The following PALM2AKAP2 variants were observed in gnomAD, a reference collection of about 807,000 sequenced individuals.
PALM2AKAP2 encodes the protein PALM2 and AKAP2 fusion.
Under a neutral mutation model 71.5 loss-of-function variants are expected in PALM2AKAP2, and 37 were observed. The observed-to-expected ratio is 0.52, with a 90% CI of 0.40 to 0.68. PALM2AKAP2 has a LOEUF of 0.68. PALM2AKAP2 is among the 30% of genes least tolerant of loss of function. The probability of loss-of-function intolerance (pLI) is 0.00; values close to 1 mark genes in which losing one functional copy is unlikely to be tolerated. For synonymous variants in PALM2AKAP2, 468 were observed against 478.8 expected (o/e 0.98, Z 0.29); for missense variants, 1,224 against 1,191.8 (o/e 1.03, Z -0.40).
chr9:110,026,950 C>T (rs955510959), intron 7 of PALM2AKAP2, among the ~76,000 whole-genome samples: 6 of 151,942 alleles, frequency 3.9e-5, no homozygotes, highest in South Asian at 2.1e-4. Context: ...GGCTGAGGCA[C>T]GAGAATCGCT....
chr9:109,688,444 G>T (rs1355183136), intron 1 of PALM2AKAP2, among the ~76,000 whole-genome samples: 1 of 152,216 alleles, frequency 6.6e-6, no homozygotes, highest in Non-Finnish European at 1.5e-5. Context: ...TATCTTGAGT[G>T]TCTTAGGAGG....
chr9:109,806,109 G>A (rs1170025517), intron 1 of PALM2AKAP2, among the ~76,000 whole-genome samples: 1 of 152,182 alleles, frequency 6.6e-6, no homozygotes, highest in Non-Finnish European at 1.5e-5. Flanking sequence ...CTGATGCCAT[G>A]GATTTCTTCT....
intron 1 of PALM2AKAP2, chr9:109,866,905 A>C (rs1017854793): frequency 7.6e-6 from 3 of 394,444 alleles, no homozygotes; most frequent in Non-Finnish European, 1.5e-5. Flanking sequence ...ACCCACATGA[A>C]ATGCTACCCC....
intron 1 of PALM2AKAP2, among the ~76,000 whole-genome samples, chr9:110,091,887 T>C (rs1288512745): frequency 7.9e-5 from 12 of 152,216 alleles, no homozygotes; most frequent in Admixed American, 7.9e-4. Context: ...AACAGTTCCA[T>C]GATCCCCTAA....
At chr9:110,006,324 C>CCCTTTCTTTCTT (rs1554736917) in intron 6 of PALM2AKAP2, among the ~76,000 whole-genome samples, 1 of 102,102 alleles carries the variant, frequency 9.8e-6, no homozygotes, top group Non-Finnish European at 1.9e-5. Flanking sequence ...TTCCTTCCTT[C>CCCTTTCTTTCTT]TCTTTCTTTC....
At chr9:110,075,001 T>C (rs1336023925) in intron 1 of PALM2AKAP2, among the ~76,000 whole-genome samples, 1 of 150,322 alleles carries the variant, frequency 6.7e-6, no homozygotes, top group East Asian at 1.9e-4. Flanking sequence ...AGACTCCATC[T>C]CAAGAAAAAA....
chr9:109,919,462 A>G (rs561276539), intron 3 of PALM2AKAP2, among the ~76,000 whole-genome samples: 79 of 152,300 alleles, frequency 5.2e-4, no homozygotes, highest in Non-Finnish European at 9.6e-4. Flanking sequence ...TTACTCAGAG[A>G]CAACTATCAC....
At chr9:110,169,366 G>A (rs1047469) in exon 4 of PALM2AKAP2, 87,595 of 152,048 alleles carry the variant, frequency 0.58, 26,501 homozygotes, top group East Asian at 0.86. Flanking sequence ...ATCTGTACGC[G>A]TTGAACAACT....
chr9:109,871,648 G>A (rs1253112929), intron 2 of PALM2AKAP2, among the ~76,000 whole-genome samples: 1 of 152,110 alleles, frequency 6.6e-6, no homozygotes, highest in East Asian at 1.9e-4. Context: ...ATTAAGATAT[G>A]TAACCATCAT....
intron 1 of PALM2AKAP2, among the ~76,000 whole-genome samples, chr9:109,771,160 G>A (rs115178340): frequency 9.8e-4 from 149 of 152,312 alleles, no homozygotes; most frequent in African/African-American, 3.5e-3. Context: ...AGAATTAACT[G>A]AAAGAGTGGC....
chr9:110,013,698 A>G (rs927255285), intron 6 of PALM2AKAP2, among the ~76,000 whole-genome samples: 11 of 152,366 alleles, frequency 7.2e-5, no homozygotes, highest in African/African-American at 2.2e-4. Flanking sequence ...CATTGTGCAT[A>G]TATCCTATGA....
intron 1 of PALM2AKAP2, among the ~76,000 whole-genome samples, chr9:109,662,520 CT>C (rs1827414929): frequency 6.6e-6 from 1 of 152,180 alleles, no homozygotes. Context: ...ATGAAGCCAA[CT>C]TGATCATGGT....
At chr9:109,748,781 T>C (rs1368601223) in intron 1 of PALM2AKAP2, among the ~76,000 whole-genome samples, 4 of 152,170 alleles carry the variant, frequency 2.6e-5, no homozygotes, top group Non-Finnish European at 4.4e-5. Context: ...TTCTGGAGTC[T>C]GGAAGGCCAA....
At chr9:109,819,294 A>G (rs1827928505) in intron 1 of PALM2AKAP2, among the ~76,000 whole-genome samples, 1 of 152,232 alleles carries the variant, frequency 6.6e-6, no homozygotes, top group African/African-American at 2.4e-5. Flanking sequence ...ATCTTAAAGG[A>G]AATTTCACAA....
In PALM2AKAP2 at chr9:109,900,516, G is replaced by A. The variant is rs183644201; in HGVS notation, c.257+19835G>A. Reference sequence around the variant, plus strand: ...AGAAATTCAAGAAAGTAGTGACCATGGAGGACCTTAGGATTTGGGCTTTTA... The same window carrying A: ...AGAAATTCAAGAAAGTAGTGACCATAGAGGACCTTAGGATTTGGGCTTTTA... On this transcript the variant is annotated intron_variant, in intron 3 of 9. Transcript: ENST00000302798. Among the ~76,000 whole-genome samples the A allele has an allele frequency of 5.5e-4, 84 of 152,304 alleles. 1 individual carries two copies. Among genetic ancestry groups the A allele is most frequent in the African/African-American group, 1.9e-3 (78 of 41,570 alleles).
At chr9:110,010,082 G>C (rs1832852810) in intron 6 of PALM2AKAP2, among the ~76,000 whole-genome samples, 1 of 152,168 alleles carries the variant, frequency 6.6e-6, no homozygotes, top group Admixed American at 6.5e-5. Context: ...AAAATGTTAT[G>C]GTGGTTGATT....
chr9:109,756,821 T>C (rs959814665), intron 1 of PALM2AKAP2, among the ~76,000 whole-genome samples: 10 of 152,298 alleles, frequency 6.6e-5, no homozygotes, highest in African/African-American at 2.2e-4. Flanking sequence ...TAGCTTTTAG[T>C]AATTCTGACC....
intron 7 of PALM2AKAP2, among the ~76,000 whole-genome samples, chr9:110,039,496 CAGTA>C (rs1292305560): frequency 6.6e-6 from 1 of 152,034 alleles, no homozygotes; most frequent in Non-Finnish European, 1.5e-5. Flanking sequence ...GTCACATAGC[CAGTA>C]AGTGACAGGT....
intron 1 of PALM2AKAP2, among the ~76,000 whole-genome samples, chr9:109,663,437 C>G (rs10117951): frequency 0.37 from 56,978 of 151,944 alleles, 11,433 homozygotes; most frequent in African/African-American, 0.52. Context: ...CCTTCACTTT[C>G]TTATTTACCC....
Sources: allele counts gnomAD v4.1 joint callset (sites outside exome capture counted in the v4.1 genomes callset), GRCh38; gene constraint gnomAD v4.1.1; transcripts MANE v1.5; gene names NCBI Gene and HGNC (gene_info 2026-07-23, HGNC 2026-07-21).